The following LUC7L3 variants were observed in gnomAD, a reference collection of about 807,000 sequenced individuals.
LUC7L3 encodes LUC7 like 3 pre-mRNA splicing factor.
Under a neutral mutation model 66.8 loss-of-function variants are expected in LUC7L3, and 6 were observed. The observed-to-expected ratio is 0.09, with a 90% CI of 0.05 to 0.18. LUC7L3 has a LOEUF of 0.18. LUC7L3 is among the 10% of genes least tolerant of loss of function. LUC7L3 has a pLI of 1.00. For missense variants in LUC7L3, 341 were observed against 531.1 expected, an observed-to-expected ratio of 0.64 and a Z score of 3.52; for synonymous variants, 160 against 174.7, an observed-to-expected ratio of 0.92 and a Z score of 0.66.
chr17:50,732,608 C>A (rs1359341292), intron 1 of LUC7L3, among the ~76,000 whole-genome samples: 1 of 149,244 alleles, frequency 6.7e-6, no homozygotes, highest in African/African-American at 2.5e-5. Flanking sequence ...GTTGCCCAGG[C>A]TAGGCTCAAA....
At chr17:50,725,912 C>T (rs896889784) in intron 1 of LUC7L3, among the ~76,000 whole-genome samples, 1 of 152,100 alleles carries the variant, frequency 6.6e-6, no homozygotes, top group Non-Finnish European at 1.5e-5. Flanking sequence ...GAAAGTAAAG[C>T]TTGAGTAATA....
At chr17:50,739,633 G>C (rs373198933) in intron 2 of LUC7L3, among the ~76,000 whole-genome samples, 24 of 144,314 alleles carry the variant, frequency 1.7e-4, no homozygotes, top group African/African-American at 6.1e-4. Flanking sequence ...CGGCCTGGGC[G>C]ACAGAGCAAG....
At chr17:50,750,187 T>C (rs1293415478) in intron 9 of LUC7L3, among the ~76,000 whole-genome samples, 1 of 152,202 alleles carries the variant, frequency 6.6e-6, no homozygotes, top group Non-Finnish European at 1.5e-5. Context: ...TTTTATACCT[T>C]TCCCAGTGCT....
intron 1 of LUC7L3, among the ~76,000 whole-genome samples, chr17:50,735,019 T>G (rs1385490455): frequency 6.6e-6 from 1 of 151,974 alleles, no homozygotes; most frequent in Admixed American, 6.6e-5. Context: ...TCACCTAAGG[T>G]TGGGAGTTCG....
chr17:50,756,202 AAGAAG>A lies in LUC7L3; in HGVS notation c.*5543_*5547del, dbSNP rs1304580421. The A allele has an allele frequency of 6.8e-6, 1 of 146,428 alleles. No individual in the cohort carries two copies. The highest frequency in any genetic ancestry group is 6.9e-5 in the Admixed American group (1 of 14,406). The allele number at this position is 146,428 out of a possible 1,614,324, so 9.1% of individuals were successfully genotyped here. A position where few individuals can be genotyped will look rare whatever the true frequency, so the allele number is the denominator to read the frequency against. Reference sequence around the variant, plus strand: ...ATGATATTTCTTAATAAAATTTAAAAAGAAGAATGGGAAAAAAGTCTTGGTGTAGG... The same window carrying A: ...ATGATATTTCTTAATAAAATTTAAAAAATGGGAAAAAAGTCTTGGTGTAGG... On this transcript the variant is annotated 3_prime_UTR_variant, in exon 10 of 10. Coordinates refer to ENST00000505658, the MANE Select transcript of LUC7L3 (RefSeq NM_016424.5).
At chr17:50,732,488 C>T (rs1969673614) in intron 1 of LUC7L3, among the ~76,000 whole-genome samples, 2 of 152,088 alleles carry the variant, frequency 1.3e-5, no homozygotes. Context: ...CTCCAACGAC[C>T]CTTCCACCCT....
intron 1 of LUC7L3, among the ~76,000 whole-genome samples, chr17:50,726,500 C>T (rs914136839): frequency 2.0e-5 from 3 of 152,018 alleles, no homozygotes; most frequent in Admixed American, 6.6e-5. Flanking sequence ...CTTTGAATAA[C>T]GCCCTGAGAC....
At chr17:50,746,520 C>A in intron 8 of LUC7L3, 22 bp from the exon 9 acceptor site, 1 of 1,604,110 alleles carries the variant, frequency 6.2e-7, no homozygotes, top group Non-Finnish European at 8.5e-7. Context: ...CTGAAGTTGC[C>A]TTTTGGTTTT....
At chr17:50,738,873 C>G (rs1970164605) in intron 2 of LUC7L3, among the ~76,000 whole-genome samples, 1 of 152,052 alleles carries the variant, frequency 6.6e-6, no homozygotes, top group African/African-American at 2.4e-5. Flanking sequence ...CCTAGGCATA[C>G]CCCTGTGAAA....
chr17:50,752,330 T>C lies in LUC7L3; in HGVS notation c.*1669T>C, dbSNP rs1467792926. The C allele has an allele frequency of 1.3e-6, 1 of 778,806 alleles. No individual in the cohort carries two copies. The highest frequency in any genetic ancestry group is 1.8e-6 in the Non-Finnish European group (1 of 565,160). The allele number at this position is 778,806 out of a possible 1,614,324, so 48.2% of individuals were successfully genotyped here. On this transcript the variant is annotated 3_prime_UTR_variant, in exon 10 of 10. Transcript: ENST00000505658. ...TAAAGCTCAGTTAGTTTTTTTATTA[T>C]TATTATTATTAAAAGTTAATTCAGG...
rs183630098 is a variant in LUC7L3, at chr17:50,719,627, A to G, written c.-106A>G. The G allele has an allele frequency of 1.4e-5, 13 of 899,576 alleles. No homozygotes were observed. Among genetic ancestry groups the G allele is most frequent in the Admixed American group, 6.5e-5 (3 of 46,110 alleles). The allele number at this position is 899,576 out of a possible 1,614,324, so 55.7% of individuals were successfully genotyped here. ...TGTCTTGTCGGCTCCTGTGTGTAGG[A>G]GGGATTTCGGCCTGAGAGCGGGCCG... On this transcript the variant is annotated 5_prime_UTR_variant, in exon 1 of 10. Transcript: ENST00000505658.
At chr17:50,720,104 G>T (rs1968642079) in intron 1 of LUC7L3, among the ~76,000 whole-genome samples, 1 of 152,252 alleles carries the variant, frequency 6.6e-6, no homozygotes, top group South Asian at 2.1e-4. Context: ...GGGAAAGAAG[G>T]ATAGCAGCGT....
intron 1 of LUC7L3, among the ~76,000 whole-genome samples, chr17:50,720,997 TC>T (rs1011737637): frequency 1.3e-5 from 2 of 152,138 alleles, no homozygotes; most frequent in African/African-American, 4.8e-5. Context: ...ACATTTAGGC[TC>T]CCCATCCCCC....
intron 1 of LUC7L3, among the ~76,000 whole-genome samples, chr17:50,735,103 G>C (rs1320186538): frequency 1.3e-5 from 2 of 152,016 alleles, no homozygotes; most frequent in African/African-American, 4.8e-5. Flanking sequence ...GGTGGCGCAT[G>C]CCTGTAATCC....
intron 9 of LUC7L3, 44 bp downstream of exon 9, chr17:50,746,746 C>T: frequency 2.0e-6 from 3 of 1,534,382 alleles, no homozygotes; most frequent in Non-Finnish European, 1.8e-6. Context: ...ACTTTTCACA[C>T]CCTAATCGCC....
chr17:50,739,111 A>G (rs966769089), intron 2 of LUC7L3, among the ~76,000 whole-genome samples: 2 of 152,196 alleles, frequency 1.3e-5, no homozygotes, highest in African/African-American at 4.8e-5. Flanking sequence ...CCACCAAAAC[A>G]TGTCCATAAA....
intron 5 of LUC7L3, among the ~76,000 whole-genome samples, chr17:50,742,089 T>C (rs1472926638): frequency 6.6e-6 from 1 of 152,116 alleles, no homozygotes; most frequent in African/African-American, 2.4e-5. Flanking sequence ...TGTGTGTGTG[T>C]GTGTACATGT....
chr17:50,735,452 T>C (rs1402612336), intron 1 of LUC7L3, among the ~76,000 whole-genome samples: 1 of 152,132 alleles, frequency 6.6e-6, no homozygotes, highest in Non-Finnish European at 1.5e-5. Context: ...TGCCTTTTTT[T>C]CATTTCCTTT....
chr17:50,752,981 CTA>C lies in LUC7L3; in HGVS notation c.*2322_*2323del, dbSNP rs1478640507. On this transcript the variant is annotated 3_prime_UTR_variant, in exon 10 of 10. Coordinates refer to ENST00000505658, the MANE Select transcript of LUC7L3 (RefSeq NM_016424.5). Reference sequence around the variant, plus strand: ...TGACAAGCACTCTTTAGCTGGCTAGCTATGGGATGATGTAGAAAAGCATTCAA... The same window carrying C: ...TGACAAGCACTCTTTAGCTGGCTAGCTGGGATGATGTAGAAAAGCATTCAA... 6.6e-6 allele frequency: 1 copy of C among 152,106 alleles called. No individual in the cohort carries two copies. Among genetic ancestry groups the C allele is most frequent in the African/African-American group, 2.4e-5 (1 of 41,400 alleles). 9.4% of individuals were successfully genotyped at this position (152,106 alleles called of 1,614,324 possible).
Sources: gnomAD v4.1 joint callset for allele counts (sites outside exome capture counted in the v4.1 genomes callset) on GRCh38, gnomAD v4.1.1 for gene constraint, MANE v1.5 for transcripts, NCBI Gene and HGNC (gene_info 2026-07-23, HGNC 2026-07-21) for gene names.